Variants in AP4E1 observed in about 807,000 individuals in gnomAD.
The protein encoded by AP4E1 is adaptor related protein complex 4 subunit epsilon 1, also known as AP-4 complex subunit epsilon-1.
Under a neutral mutation model 128.2 loss-of-function variants are expected in AP4E1, and 56 were observed. That is an observed-to-expected ratio of 0.44 (90% CI 0.35 to 0.55). AP4E1 has a LOEUF of 0.55. Among genes scored for constraint, AP4E1 ranks in the 20% least tolerant of loss-of-function variants. The pLI, the probability that AP4E1 is intolerant of heterozygous loss-of-function variation, is 0.00. For missense variants in AP4E1, 1,324 were observed against 1,307.7 expected, an observed-to-expected ratio of 1.01 and a Z score of -0.19; for synonymous variants, 484 against 473.1, an observed-to-expected ratio of 1.02 and a Z score of -0.30.
chr15:50,943,554 T>A (rs2064016074), intron 10 of AP4E1, among the ~76,000 whole-genome samples: 1 of 152,210 alleles, frequency 6.6e-6, no homozygotes, highest in African/African-American at 2.4e-5. Context: ...CAAATAATTA[T>A]ACAGCCGTTC....
At chr15:50,924,313 A>T (rs1462997396) in intron 4 of AP4E1, among the ~76,000 whole-genome samples, 5 of 152,166 alleles carry the variant, frequency 3.3e-5, no homozygotes, top group Non-Finnish European at 1.5e-5. Flanking sequence ...TATACTTTCC[A>T]TGCTGTTATC....
At chr15:50,944,025 T>TTCA (rs1208509419) in intron 10 of AP4E1, among the ~76,000 whole-genome samples, 1 of 152,196 alleles carries the variant, frequency 6.6e-6, no homozygotes, top group Non-Finnish European at 1.5e-5. Context: ...TAATTATCCT[T>TTCA]TCACTTAAAA....
intron 3 of AP4E1, among the ~76,000 whole-genome samples, chr15:50,922,445 C>G (rs1204781611): frequency 6.6e-6 from 1 of 152,164 alleles, no homozygotes; most frequent in East Asian, 1.9e-4. Context: ...CTCCTCCGAC[C>G]TCTAGTGAAG....
At chr15:50,946,224 A>G (rs2064059923) in intron 10 of AP4E1, among the ~76,000 whole-genome samples, 1 of 152,212 alleles carries the variant, frequency 6.6e-6, no homozygotes, top group African/African-American at 2.4e-5. Context: ...AGTATTTGCA[A>G]CTAACTCATT....
rs1253871788 is a variant in AP4E1 at position 51,002,693 on chromosome 15, G to C, written c.*31G>C. The C allele has an allele frequency of 5.0e-6, 8 of 1,613,140 alleles. No individual in the cohort carries two copies. Among genetic ancestry groups the C allele is most frequent in the Non-Finnish European group, 6.8e-6 (8 of 1,179,476 alleles). ...GCCCTGCTAAATTTTACTCCATCAA[G>C]ATCAATGGTTTACATAGATAAACTT... On this transcript the variant is annotated 3_prime_UTR_variant, in exon 21 of 21. Transcript: ENST00000261842.
intron 13 of AP4E1, among the ~76,000 whole-genome samples, chr15:50,950,400 G>A (rs2064132940): frequency 6.6e-6 from 1 of 151,898 alleles, no homozygotes; most frequent in Non-Finnish European, 1.5e-5. Flanking sequence ...TGTTTACAAT[G>A]TTTTTGTTGT....
At chr15:50,988,155 G>A (rs953369394) in intron 16 of AP4E1, among the ~76,000 whole-genome samples, 6 of 152,098 alleles carry the variant, frequency 3.9e-5, no homozygotes, top group Non-Finnish European at 8.8e-5. Context: ...GTCACCCAGT[G>A]AAGGCCAGAT....
At chr15:50,954,689 T>C (rs912759386) in intron 13 of AP4E1, among the ~76,000 whole-genome samples, 1 of 152,242 alleles carries the variant, frequency 6.6e-6, no homozygotes, top group Non-Finnish European at 1.5e-5. Flanking sequence ...TCTTGGTATA[T>C]GTTCTGTGTT....
chr15:50,993,443 A>G lies in AP4E1; in HGVS notation c.2164A>G (p.Lys722Glu), dbSNP rs2140928276. 6 of 1,614,034 alleles carry G rather than the reference A, an allele frequency of 3.7e-6. No homozygotes were observed. Among genetic ancestry groups the G allele is most frequent in the Non-Finnish European group, 5.1e-6 (6 of 1,179,986 alleles). Residue 722 changes from lysine (K) to glutamate (E), a missense_variant, in exon 17 of 21, where the codon AAA (lysine) becomes GAA (glutamate). Physicochemically the swap from Lys to Glu is moderately conservative, Grantham distance 56. Coordinates refer to ENST00000261842, the MANE Select transcript of AP4E1 (RefSeq NM_007347.5). ...AGGCTATCTTCCCAAGAAGGAAAGC[A>G]AAACTGGTGATGAAAGTGGAGCTCT... Reference protein sequence around the residue: ...KEGYLPKKESKTGDESGALPV... With the variant: ...KEGYLPKKESETGDESGALPV...
At chr15:50,948,972 CAAA>C (rs769031147) in intron 11 of AP4E1, among the ~76,000 whole-genome samples, 4 of 70,490 alleles carry the variant, frequency 5.7e-5, no homozygotes, top group Non-Finnish European at 3.1e-5. Flanking sequence ...AACTCCGTCT[CAAA>C]AAAAAAAAAA....
At chr15:50,969,721 T>G (rs1338014424) in intron 15 of AP4E1, among the ~76,000 whole-genome samples, 1 of 151,000 alleles carries the variant, frequency 6.6e-6, no homozygotes, top group Non-Finnish European at 1.5e-5. Context: ...TGCAGTGGCG[T>G]GATCTCGGCT....
chr15:50,982,649 G>A (rs915592786), intron 15 of AP4E1, among the ~76,000 whole-genome samples: 1 of 152,130 alleles, frequency 6.6e-6, no homozygotes, highest in Non-Finnish European at 1.5e-5. Flanking sequence ...CTAGTTAACA[G>A]CAAAGCTATG....
In AP4E1 at chr15:50,945,281, C is replaced by G. The variant is rs75091601; in HGVS notation, c.1177-2739C>G. Reference sequence around the variant, plus strand: ...TAAGTAGTGTTAAATTTAACCCAATCGAGACATTTCTCTTGGGAAGTTTGT... The same window carrying G: ...TAAGTAGTGTTAAATTTAACCCAATGGAGACATTTCTCTTGGGAAGTTTGT... On this transcript the variant is annotated intron_variant, in intron 10 of 20. Coordinates refer to ENST00000261842, the MANE Select transcript of AP4E1 (RefSeq NM_007347.5). 1.5e-4 allele frequency: 121 copies of G among 782,190 alleles called. 1 individual carries two copies. The highest frequency in any genetic ancestry group is 2.6e-4 in the Non-Finnish European group (110 of 419,548). 48.5% of individuals were successfully genotyped at this position (782,190 alleles called of 1,614,324 possible). A position where few individuals can be genotyped will look rare whatever the true frequency, so the allele number is the denominator to read the frequency against.
chr15:50,939,404 T>G (rs2141171930), intron 8 of AP4E1, among the ~76,000 whole-genome samples: 1 of 150,468 alleles, frequency 6.6e-6, no homozygotes, highest in South Asian at 2.1e-4. Flanking sequence ...ACCTGGGGGG[T>G]GGAGGTTGCA....
At chr15:50,977,712 T>TC (rs2064574701) in intron 15 of AP4E1, among the ~76,000 whole-genome samples, 1 of 145,102 alleles carries the variant, frequency 6.9e-6, no homozygotes, top group Non-Finnish European at 1.5e-5. Flanking sequence ...TATGGTTTTT[T>TC]TTTTTTTTTT....
chr15:50,956,319 C>A (rs957686433), intron 13 of AP4E1, among the ~76,000 whole-genome samples: 2 of 152,128 alleles, frequency 1.3e-5, no homozygotes, highest in Non-Finnish European at 2.9e-5. Flanking sequence ...TTTTCCTTCT[C>A]TTCTCTTCCT....
At position 50,999,185 on chromosome 15, in the gene AP4E1, T is replaced by C; in HGVS notation, c.3018T>C (p.Phe1006=). 6.2e-7 allele frequency: 1 copy of C among 1,613,804 alleles called. No homozygotes were observed. Among genetic ancestry groups the C allele is most frequent in the Non-Finnish European group, 8.5e-7 (1 of 1,179,858 alleles). The stretch of plus-strand genomic sequence containing the variant: ...TTACAGAAGGAAATCTTACTGGTTT[T>C]ATTAGTTATCATATGATGGATACTC... ...KPFTEGNLTG[F]ISYHMMDTHS... is the part of the protein sequence containing the mutation. Residue 1006 remains phenylalanine (F), a synonymous_variant, in exon 19 of 21, where the codon TTT becomes TTC. Coordinates refer to ENST00000261842, the MANE Select transcript of AP4E1 (RefSeq NM_007347.5).
At chr15:50,993,346 T>G in intron 16 of AP4E1, 24 bp from the exon 17 acceptor site, 1 of 1,613,426 alleles carries the variant, frequency 6.2e-7, no homozygotes, top group East Asian at 2.2e-5. Flanking sequence ...TAAGTTGACT[T>G]GATTTTATTA....
chr15:50,936,160 C>G (rs1041359453), intron 8 of AP4E1, among the ~76,000 whole-genome samples: 8 of 152,112 alleles, frequency 5.3e-5, no homozygotes, highest in African/African-American at 1.9e-4. Context: ...TAGGTTCCTG[C>G]TATGCAGGAA....
Sources: allele counts gnomAD v4.1 joint callset (sites outside exome capture counted in the v4.1 genomes callset), GRCh38; gene constraint gnomAD v4.1.1; transcripts MANE v1.5; gene names NCBI Gene and HGNC (gene_info 2026-07-23, HGNC 2026-07-21).